Variants in GLIS3 observed in about 807,000 individuals in gnomAD.
The protein encoded by GLIS3 is GLIS family zinc finger 3.
A neutral mutation model predicts 78.6 loss-of-function variants in GLIS3; 53 were observed. The ratio of observed to expected loss-of-function variants is 0.67; its 90% CI spans 0.54 to 0.85. The LOEUF (loss-of-function observed/expected upper bound fraction) is 0.85. Among genes scored for constraint, GLIS3 ranks in the 40% least tolerant of loss-of-function variants. GLIS3 has a pLI of 0.00. For missense variants in GLIS3, 1,703 were observed against 1,231.1 expected (o/e 1.38, Z -5.74); for synonymous variants, 684 against 509.9 (o/e 1.34, Z -4.60).
chr9:3,878,442 C>T (rs951763149), intron 8 of GLIS3, among the ~76,000 whole-genome samples: 4 of 152,134 alleles, frequency 2.6e-5, no homozygotes, highest in Non-Finnish European at 4.4e-5. Flanking sequence ...AAGTCATAAA[C>T]AGTAAAATAT....
intron 2 of GLIS3, among the ~76,000 whole-genome samples, chr9:4,223,844 C>A (rs540994906): frequency 6.6e-6 from 1 of 152,232 alleles, no homozygotes; most frequent in African/African-American, 2.4e-5. Flanking sequence ...AGTATAATTA[C>A]AAATGTCGGG....
the GLIS3 span, among the ~76,000 whole-genome samples, chr9:4,405,055 C>A: frequency 6.6e-6 from 1 of 152,086 alleles, no homozygotes; most frequent in Non-Finnish European, 1.5e-5. Flanking sequence ...ACTGATACCA[C>A]AGAAATTCAA....
intron 4 of GLIS3, among the ~76,000 whole-genome samples, chr9:4,059,829 T>TGTCA: frequency 7.0e-5 from 7 of 100,648 alleles, no homozygotes; most frequent in Non-Finnish European, 1.2e-4. Context: ...TGTGTGTGTG[T>TGTCA]GAGAGAGAGA....
intron 9 of GLIS3, among the ~76,000 whole-genome samples, chr9:3,847,937 C>G (rs1268593923): frequency 6.6e-6 from 1 of 152,200 alleles, no homozygotes; most frequent in Non-Finnish European, 1.5e-5. Flanking sequence ...CTGATTATGA[C>G]TGCTGATGAT....
intron 2 of GLIS3, among the ~76,000 whole-genome samples, chr9:4,137,395 C>T (rs1296867554): frequency 6.6e-6 from 1 of 152,218 alleles, no homozygotes; most frequent in Non-Finnish European, 1.5e-5. Context: ...CCTTAGTCAG[C>T]ATTCAGGAAT....
At chr9:4,303,010 T>G (rs537420940), upstream of GLIS3, among the ~76,000 whole-genome samples, 7 of 152,254 alleles carry the variant, frequency 4.6e-5, no homozygotes, top group South Asian at 6.2e-4. Flanking sequence ...CACTCAAAGC[T>G]AGAGTACAAA....
rs1829017376 is a variant in GLIS3, at chr9:4,086,315, T to C, written c.1710+31453A>G. Among the ~76,000 whole-genome samples, 3 of 152,164 alleles carry C rather than the reference T, an allele frequency of 2.0e-5. 1 individual carries two copies. The highest frequency in any genetic ancestry group is 2.0e-4 in the Admixed American group (3 of 15,272). On this transcript the variant is annotated intron_variant, in intron 4 of 10. Coordinates refer to ENST00000381971, the MANE Select transcript of GLIS3 (RefSeq NM_001042413.2). ...CTTCCCCAACCCCACCCTGGGGCAA[T>C]GAGTCATTCATTCCCTCCTCTGAGT...
intron 4 of GLIS3, among the ~76,000 whole-genome samples, chr9:4,099,577 A>G (rs1445773243): frequency 6.6e-6 from 1 of 152,214 alleles, no homozygotes; most frequent in Non-Finnish European, 1.5e-5. Context: ...GTGTTTTCAC[A>G]TAATGTCACA....
intron 4 of GLIS3, among the ~76,000 whole-genome samples, chr9:3,982,755 G>A (rs181177214): frequency 8.5e-5 from 13 of 152,060 alleles, no homozygotes; most frequent in East Asian, 3.9e-4. Context: ...AACTTTTCTC[G>A]CCAAAACAGA....
intron 4 of GLIS3, among the ~76,000 whole-genome samples, chr9:4,048,617 T>G (rs1253345410): frequency 6.6e-6 from 1 of 152,164 alleles, no homozygotes; most frequent in Non-Finnish European, 1.5e-5. Context: ...AAGCATCTCT[T>G]CAAAGAGAGC....
chr9:3,884,150 T>C (rs2130497455), intron 7 of GLIS3, among the ~76,000 whole-genome samples: 1 of 152,354 alleles, frequency 6.6e-6, no homozygotes, highest in South Asian at 2.1e-4. Flanking sequence ...TATGCAGTTC[T>C]CTTTGTCCAA....
intron 2 of GLIS3, among the ~76,000 whole-genome samples, chr9:4,343,393 T>C (rs1343251362): frequency 2.0e-5 from 3 of 152,104 alleles, no homozygotes; most frequent in Non-Finnish European, 2.9e-5. Context: ...TCAGAATGGC[T>C]ATTATAAAAG....
intron 3 of GLIS3, among the ~76,000 whole-genome samples, chr9:4,121,558 G>C (rs1272939461): frequency 2.7e-5 from 4 of 150,740 alleles, no homozygotes; most frequent in Non-Finnish European, 1.5e-5. Flanking sequence ...AAGTAAACTG[G>C]ATTTTAAAAA....
Position 4,082,852 on chromosome 9 carries a change from G to A in GLIS3, c.1710+34916C>T, listed in dbSNP as rs145831438. On this transcript the variant is annotated intron_variant, in intron 4 of 10. Transcript: ENST00000381971. ...TTCACTTTCGAAACAGACTTAAGAT[G>A]GAGTTTGTACCATTTCCCATACATA... 3.5e-4 allele frequency among the ~76,000 whole-genome samples: 54 copies of A among 152,282 alleles called. No individual in the cohort carries two copies. In the East Asian group the frequency reaches 9.4e-3, roughly 27 times the overall value.
At chr9:3,895,958 A>ACAAT (rs1297258909) in intron 7 of GLIS3, among the ~76,000 whole-genome samples, 2 of 152,262 alleles carry the variant, frequency 1.3e-5, no homozygotes, top group African/African-American at 4.8e-5. Context: ...GAAGTGCCTG[A>ACAAT]CAATCATTAA....
intron 2 of GLIS3, among the ~76,000 whole-genome samples, chr9:4,281,590 C>A (rs1484606656): frequency 6.6e-6 from 1 of 152,194 alleles, no homozygotes; most frequent in Non-Finnish European, 1.5e-5. Flanking sequence ...AAAGATCATC[C>A]ATGTTGTGGC....
chr9:4,135,192 C>T (rs992733659), intron 2 of GLIS3, among the ~76,000 whole-genome samples: 15 of 152,178 alleles, frequency 9.9e-5, no homozygotes, highest in Non-Finnish European at 2.1e-4. Context: ...AGCATTATCT[C>T]TCTTTTATTT....
chr9:4,369,483 T>A, the GLIS3 span, among the ~76,000 whole-genome samples: 1 of 152,212 alleles, frequency 6.6e-6, no homozygotes, highest in East Asian at 1.9e-4. Context: ...GACTTCTACC[T>A]GTAAGTTCCA....
At chr9:4,388,957 G>T in the GLIS3 span, among the ~76,000 whole-genome samples, 5 of 152,098 alleles carry the variant, frequency 3.3e-5, no homozygotes, top group Non-Finnish European at 7.4e-5. Context: ...AGAAAGTGAA[G>T]AAAAGGGGAT....
Sources: gnomAD v4.1 joint callset for allele counts (sites outside exome capture counted in the v4.1 genomes callset) on GRCh38, gnomAD v4.1.1 for gene constraint, MANE v1.5 for transcripts, NCBI Gene and HGNC (gene_info 2026-07-23, HGNC 2026-07-21) for gene names.